Variants in LRBA observed in about 807,000 individuals in gnomAD.
The protein encoded by LRBA is LPS responsive beige-like anchor protein.
LRBA carries 176 observed loss-of-function variants against 330.0 expected under a neutral mutation model. That is an observed-to-expected ratio of 0.53 (90% CI 0.47 to 0.60). The LOEUF is 0.60. LRBA is among the 20% of genes least tolerant of loss of function. The pLI is 0.00. For synonymous variants in LRBA, 1,230 were observed against 1,193.0 expected, an observed-to-expected ratio of 1.03 and a Z score of -0.64; for missense variants, 3,259 against 3,444.8, an observed-to-expected ratio of 0.95 and a Z score of 1.35.
intron 37 of LRBA, among the ~76,000 whole-genome samples, chr4:150,666,030 G>A (rs540860893): frequency 3.4e-4 from 52 of 152,220 alleles, no homozygotes; most frequent in African/African-American, 1.2e-3. Flanking sequence ...CTTATCTAGA[G>A]TGACAGAAGA....
intron 30 of LRBA, among the ~76,000 whole-genome samples, chr4:150,820,999 T>A (rs974494511): frequency 1.3e-5 from 2 of 152,140 alleles, no homozygotes; most frequent in Admixed American, 6.6e-5. Flanking sequence ...AAATGCAATA[T>A]GCATTTGACA....
intron 9 of LRBA, among the ~76,000 whole-genome samples, chr4:150,912,763 C>A (rs1189729599): frequency 1.3e-5 from 2 of 151,946 alleles, no homozygotes; most frequent in Non-Finnish European, 2.9e-5. Context: ...ATTTGTTGTT[C>A]TTTTTCCAGT....
chr4:150,495,884 G>A (rs1759532147), intron 40 of LRBA, among the ~76,000 whole-genome samples: 1 of 152,124 alleles, frequency 6.6e-6, no homozygotes, highest in Admixed American at 6.5e-5. Context: ...TGAATTGCTT[G>A]AAATCTTTAC....
At position 150,442,222 on chromosome 4, in the gene LRBA, C is replaced by T. The variant is rs189899819; in HGVS notation, c.6781-5358G>A. 1.5e-3 allele frequency among the ~76,000 whole-genome samples: 227 copies of T among 152,206 alleles called. 1 individual carries two copies. Among genetic ancestry groups the T allele is most frequent in the African/African-American group, 5.2e-3 (215 of 41,548 alleles). The stretch of plus-strand genomic sequence containing the variant: ...AGTTTTTCACACCTTTCTGTAAAGG[C>T]TTTCTTTGGAAAATCATTAAACTCC... On this transcript the variant is annotated intron_variant, in intron 44 of 56. Coordinates refer to ENST00000651943, the MANE Select transcript of LRBA (RefSeq NM_001364905.1).
At chr4:150,395,048 A>C (rs142132006) in intron 47 of LRBA, among the ~76,000 whole-genome samples, 212 of 152,326 alleles carry the variant, frequency 1.4e-3, no homozygotes, top group Non-Finnish European at 2.3e-3. Context: ...ATAAGAGATA[A>C]GAAAGGCTAC....
At chr4:150,508,620 G>T (rs1201144921) in intron 40 of LRBA, among the ~76,000 whole-genome samples, 7 of 152,104 alleles carry the variant, frequency 4.6e-5, no homozygotes, top group African/African-American at 1.7e-4. Context: ...CATTTAATTA[G>T]GGATAAAGAG....
chr4:150,937,143 A>G (rs1339349308), intron 2 of LRBA, among the ~76,000 whole-genome samples: 2 of 152,100 alleles, frequency 1.3e-5, no homozygotes, highest in Admixed American at 6.5e-5. Flanking sequence ...TAAATACTAT[A>G]AAATATGCCT....
At chr4:150,544,263 G>A (rs1765620566) in intron 40 of LRBA, among the ~76,000 whole-genome samples, 1 of 152,066 alleles carries the variant, frequency 6.6e-6, no homozygotes, top group Admixed American at 6.6e-5. Flanking sequence ...GAGTAGCTGA[G>A]ATTACAGGTG....
intron 44 of LRBA, among the ~76,000 whole-genome samples, chr4:150,446,765 G>A (rs1752666716): frequency 6.6e-6 from 1 of 152,140 alleles, no homozygotes; most frequent in Non-Finnish European, 1.5e-5. Flanking sequence ...GGCGAAATGA[G>A]TCAAAAAATA....
intron 46 of LRBA, among the ~76,000 whole-genome samples, chr4:150,430,762 G>A (rs1750275413): frequency 6.6e-6 from 1 of 151,906 alleles, no homozygotes; most frequent in Non-Finnish European, 1.5e-5. Context: ...AAAAAGTATG[G>A]TTCTCCAACA....
intron 34 of LRBA, among the ~76,000 whole-genome samples, chr4:150,785,372 T>C (rs1297266516): frequency 6.6e-6 from 1 of 152,242 alleles, no homozygotes; most frequent in Non-Finnish European, 1.5e-5. Flanking sequence ...TGCAATCTTA[T>C]GACCTCTGGA....
intron 45 of LRBA, among the ~76,000 whole-genome samples, chr4:150,436,408 C>G (rs1561174620): frequency 6.6e-6 from 1 of 152,112 alleles, no homozygotes; most frequent in Non-Finnish European, 1.5e-5. Context: ...AAGTACATGT[C>G]TGTGTTAGTA....
intron 53 of LRBA, among the ~76,000 whole-genome samples, chr4:150,295,241 G>A (rs951620375): frequency 7.5e-6 from 1 of 132,844 alleles, no homozygotes; most frequent in Admixed American, 8.3e-5. Flanking sequence ...TCACTCTGTT[G>A]CCCAGGCTGG....
chr4:150,589,293 G>A (rs1772527536), intron 39 of LRBA, among the ~76,000 whole-genome samples: 1 of 152,140 alleles, frequency 6.6e-6, no homozygotes, highest in Admixed American at 6.5e-5. Flanking sequence ...TGTTAGAAGG[G>A]TGATAGTGCT....
rs1331086698 is a variant in LRBA at position 150,264,646 on chromosome 4, A to C, written c.*1076T>G. 4 of 152,806 alleles carry C rather than the reference A, an allele frequency of 2.6e-5. No individual in the cohort carries two copies. The East Asian group carries it at 5.8e-4, about 22-fold the overall frequency. The allele number at this position is 152,806 out of a possible 1,614,324, so 9.5% of individuals were successfully genotyped here. On this transcript the variant is annotated 3_prime_UTR_variant, in exon 57 of 57. Transcript: ENST00000651943. ...CCACTTGAAGTCTGTTGCAAGAGAAATAGAGATCAAAGTTCACAACATACA... is the reference window on the plus strand; with the variant it reads ...CCACTTGAAGTCTGTTGCAAGAGAACTAGAGATCAAAGTTCACAACATACA...
At chr4:150,869,475 G>A (rs1753164733) in intron 20 of LRBA, among the ~76,000 whole-genome samples, 2 of 151,958 alleles carry the variant, frequency 1.3e-5, no homozygotes, top group Admixed American at 6.6e-5. Context: ...GATAATTTGA[G>A]GTCAAGAGTT....
intron 8 of LRBA, 127 bp downstream of exon 8, chr4:150,915,481 T>C: frequency 1.3e-6 from 1 of 764,818 alleles, no homozygotes; most frequent in Non-Finnish European, 2.0e-6. Context: ...CTAGCCAAAT[T>C]ATGTTTATAA....
intron 37 of LRBA, among the ~76,000 whole-genome samples, chr4:150,644,318 T>C (rs1304592507): frequency 6.6e-6 from 1 of 151,848 alleles, no homozygotes; most frequent in East Asian, 1.9e-4. Context: ...TAAAACAAAT[T>C]ATCTCATCAA....
chr4:150,852,053 A>G lies in LRBA; in HGVS notation c.3657T>C (p.Thr1219=). ...AATCATTAATTAATTTGGTTTCTCT[A>G]GTGAGGTTAGTTGCTTTCTTCCCTT... The part of the protein sequence containing the change: ...LEEGKKATNL[T]RETKLINDCH... The change falls in exon 23 of 57, where the codon ACT becomes ACC. Residue 1219 remains threonine (T), a synonymous_variant. Transcript: ENST00000651943. 1 of 1,614,134 alleles carries G rather than the reference A, an allele frequency of 6.2e-7. No individual in the cohort carries two copies. The highest frequency in any genetic ancestry group is 8.5e-7 in the Non-Finnish European group (1 of 1,180,008).
Sources: allele counts gnomAD v4.1 joint callset (sites outside exome capture counted in the v4.1 genomes callset), GRCh38; gene constraint gnomAD v4.1.1; transcripts MANE v1.5; gene names NCBI Gene and HGNC (gene_info 2026-07-23, HGNC 2026-07-21).